Variants in RAP1GAP2 observed in about 807,000 individuals in gnomAD.
RAP1GAP2 encodes RAP1 GTPase activating protein 2.
RAP1GAP2 carries 27 observed loss-of-function variants against 95.0 expected under a neutral mutation model. That is an observed-to-expected ratio of 0.28 (90% CI 0.21 to 0.39). The LOEUF (loss-of-function observed/expected upper bound fraction) is 0.39, where lower values mean the gene tolerates loss of function less well. Ranked by LOEUF, RAP1GAP2 falls within the 10% of genes least tolerant of loss-of-function variation. The pLI, the probability that RAP1GAP2 is intolerant of heterozygous loss-of-function variation, is 1.00. For missense variants in RAP1GAP2, 771 were observed against 970.0 expected (o/e 0.79, Z 2.72); for synonymous variants, 373 against 380.9 (o/e 0.98, Z 0.24).
At chr17:2,946,105 T>C (rs773761956) in intron 3 of RAP1GAP2, among the ~76,000 whole-genome samples, 3 of 152,188 alleles carry the variant, frequency 2.0e-5, no homozygotes, top group Non-Finnish European at 4.4e-5. Context: ...ACATTGATTT[T>C]CTTGTGTTGA....
chr17:3,016,040 T>C (rs773474546), intron 17 of RAP1GAP2, among the ~76,000 whole-genome samples: 6 of 152,134 alleles, frequency 3.9e-5, no homozygotes, highest in Admixed American at 3.9e-4. Context: ...CACACTACGA[T>C]AAGGAAAATT....
chr17:2,847,054 G>A (rs919861220), intron 2 of RAP1GAP2, among the ~76,000 whole-genome samples: 1 of 152,160 alleles, frequency 6.6e-6, no homozygotes, highest in Non-Finnish European at 1.5e-5. Flanking sequence ...TGTCGCCCAG[G>A]TTGGAGTGCA....
chr17:2,981,762 T>C (rs1176530533), intron 10 of RAP1GAP2, among the ~76,000 whole-genome samples: 11 of 152,182 alleles, frequency 7.2e-5, no homozygotes, highest in Non-Finnish European at 1.5e-4. Context: ...TTCCTTTGAA[T>C]TGGCCTGATA....
intron 1 of RAP1GAP2, among the ~76,000 whole-genome samples, chr17:2,779,497 G>A (rs1287155549): frequency 6.6e-6 from 1 of 152,162 alleles, no homozygotes; most frequent in Non-Finnish European, 1.5e-5. Context: ...TTCCTCTAGG[G>A]CTGTGGCCCA....
chr17:2,975,811 G>A (rs540175285), intron 8 of RAP1GAP2, among the ~76,000 whole-genome samples: 4 of 152,340 alleles, frequency 2.6e-5, no homozygotes, highest in East Asian at 1.9e-4. Context: ...AGTTAGACCC[G>A]TTTCATCTTC....
At chr17:2,982,489 C>T (rs1031307028) in intron 10 of RAP1GAP2, among the ~76,000 whole-genome samples, 1 of 152,150 alleles carries the variant, frequency 6.6e-6, no homozygotes, top group East Asian at 1.9e-4. Flanking sequence ...CAGAAGCAGC[C>T]GTGTATCCAT....
At chr17:2,848,501 C>CT (rs11441936) in intron 2 of RAP1GAP2, among the ~76,000 whole-genome samples, 75,732 of 142,108 alleles carry the variant, frequency 0.53, 20,071 homozygotes, top group Admixed American at 0.59. Flanking sequence ...TCTTTTCCTT[C>CT]TTTTTTTTTT....
chr17:2,832,195 C>G, intron 2 of RAP1GAP2, among the ~76,000 whole-genome samples: 1 of 115,928 alleles, frequency 8.6e-6, no homozygotes, highest in African/African-American at 3.2e-5. Flanking sequence ...CAGAGTGAGA[C>G]TCTGTCTCCA....
intron 16 of RAP1GAP2, among the ~76,000 whole-genome samples, chr17:3,007,734 T>G (rs2046380980): frequency 6.6e-6 from 1 of 151,876 alleles, no homozygotes; most frequent in Admixed American, 6.6e-5. Context: ...GATTCACTCT[T>G]CCTTCTGCTC....
At chr17:2,828,394 G>T (rs1427091224) in intron 2 of RAP1GAP2, among the ~76,000 whole-genome samples, 2 of 150,744 alleles carry the variant, frequency 1.3e-5, no homozygotes, top group African/African-American at 4.9e-5. Context: ...AATGCCCAGT[G>T]ACTTACCCTA....
intron 2 of RAP1GAP2, among the ~76,000 whole-genome samples, chr17:2,803,976 G>C (rs1347612368): frequency 6.6e-6 from 1 of 152,210 alleles, no homozygotes; most frequent in Non-Finnish European, 1.5e-5. Context: ...CAGACAGATG[G>C]ATCCAGTAGA....
intron 2 of RAP1GAP2, among the ~76,000 whole-genome samples, chr17:2,900,811 AC>A (rs1322954536): frequency 6.6e-6 from 1 of 152,208 alleles, no homozygotes; most frequent in East Asian, 1.9e-4. Flanking sequence ...ACAAGACACA[AC>A]GAGGTAACTT....
intron 1 of RAP1GAP2, among the ~76,000 whole-genome samples, chr17:2,765,514 C>T (rs931139024): frequency 6.6e-5 from 10 of 151,806 alleles, no homozygotes; most frequent in Non-Finnish European, 1.0e-4. Flanking sequence ...CTGAGGCAGG[C>T]GGATCATTTG....
At chr17:2,802,129 G>A (rs961642883) in intron 2 of RAP1GAP2, among the ~76,000 whole-genome samples, 1 of 152,144 alleles carries the variant, frequency 6.6e-6, no homozygotes, top group Non-Finnish European at 1.5e-5. Context: ...CCCTCCTTCC[G>A]AGGCAGCTTC....
At chr17:3,012,220 G>GC (rs2046572196) in intron 17 of RAP1GAP2, among the ~76,000 whole-genome samples, 1 of 152,122 alleles carries the variant, frequency 6.6e-6, no homozygotes, top group Non-Finnish European at 1.5e-5. Flanking sequence ...TACTTTTCAA[G>GC]CTGAACTGCT....
At chr17:2,806,164 A>G (rs778165135) in intron 2 of RAP1GAP2, among the ~76,000 whole-genome samples, 1 of 152,154 alleles carries the variant, frequency 6.6e-6, no homozygotes, top group Non-Finnish European at 1.5e-5. Flanking sequence ...AAGATACCAC[A>G]CAGCCACCGC....
intron 3 of RAP1GAP2, among the ~76,000 whole-genome samples, chr17:2,925,294 A>T (rs1337152523): frequency 6.6e-6 from 1 of 152,232 alleles, no homozygotes; most frequent in Non-Finnish European, 1.5e-5. Flanking sequence ...CGCAGTATAA[A>T]TAGAAGAAAT....
intron 2 of RAP1GAP2, among the ~76,000 whole-genome samples, chr17:2,822,267 GA>G (rs1333610778): frequency 6.6e-6 from 1 of 152,120 alleles, no homozygotes; most frequent in Non-Finnish European, 1.5e-5. Flanking sequence ...TTCATGCTCA[GA>G]AACAGTTCCC....
chr17:2,929,708 G>A (rs1363968624), intron 3 of RAP1GAP2, among the ~76,000 whole-genome samples: 2 of 152,244 alleles, frequency 1.3e-5, no homozygotes, highest in East Asian at 1.9e-4. Context: ...CGAAGACCCC[G>A]GGACTGCCCT....
Sources: allele counts gnomAD v4.1 joint callset (sites outside exome capture counted in the v4.1 genomes callset), GRCh38; gene constraint gnomAD v4.1.1; transcripts MANE v1.5; gene names NCBI Gene and HGNC (gene_info 2026-07-23, HGNC 2026-07-21).